The following ITPR1 variants were observed in gnomAD, a reference collection of about 807,000 sequenced individuals.
The protein encoded by ITPR1 is inositol 1,4,5-trisphosphate receptor type 1, also known as inositol 1,4,5-trisphosphate-gated calcium channel ITPR1.
A neutral mutation model predicts 318.4 loss-of-function variants in ITPR1; 96 were observed. The observed-to-expected ratio is 0.30, with a 90% CI of 0.26 to 0.36. The LOEUF is 0.36. ITPR1 is among the 10% of genes least tolerant of loss of function. The pLI, the probability that ITPR1 is intolerant of heterozygous loss-of-function variation, is 1.00. For missense variants in ITPR1, 2,440 were observed against 3,460.2 expected (o/e 0.71, Z 7.40); for synonymous variants, 1,312 against 1,289.9 (o/e 1.02, Z -0.37).
At chr3:4,833,070 C>A (rs2050631824) in intron 60 of ITPR1, among the ~76,000 whole-genome samples, 1 of 152,214 alleles carries the variant, frequency 6.6e-6, no homozygotes, top group African/African-American at 2.4e-5. Context: ...TTGTCTTTCT[C>A]ATCTTTAGAT....
At chr3:4,787,337 C>CAAAAAAAAAAAAAAAAAAAAAAAAAAAA (rs71053443) in intron 51 of ITPR1, among the ~76,000 whole-genome samples, 1 of 51,346 alleles carries the variant, frequency 1.9e-5, no homozygotes, top group Non-Finnish European at 3.2e-5. Context: ...GACTCCATCT[C>CAAAAAAAAAAAAAAAAAAAAAAAAAAAA]AAAAAAAAAA....
intron 10 of ITPR1, among the ~76,000 whole-genome samples, chr3:4,649,567 G>GA (rs1026240192): frequency 2.0e-5 from 3 of 152,178 alleles, no homozygotes; most frequent in African/African-American, 7.2e-5. Context: ...TATCTCTGTA[G>GA]ATTTGCCAGT....
At chr3:4,838,171 C>T (rs564578361) in intron 61 of ITPR1, among the ~76,000 whole-genome samples, 300 of 152,120 alleles carry the variant, frequency 2.0e-3, no homozygotes, top group Non-Finnish European at 3.5e-3. Flanking sequence ...TCTTTTCTTT[C>T]GTCTGTATTA....
At chr3:4,516,956 T>A (rs1256323325) in intron 3 of ITPR1, among the ~76,000 whole-genome samples, 2 of 152,348 alleles carry the variant, frequency 1.3e-5, no homozygotes, top group Admixed American at 6.5e-5. Context: ...TTGTAAAGGC[T>A]CTTCTTTTCA....
intron 2 of ITPR1, among the ~76,000 whole-genome samples, chr3:4,509,485 T>C (rs2081638518): frequency 6.6e-6 from 1 of 152,358 alleles, no homozygotes; most frequent in African/African-American, 2.4e-5. Flanking sequence ...TTAATTTGTT[T>C]TGGAGAGCAG....
At chr3:4,813,664 T>C (rs731915) in intron 57 of ITPR1, among the ~76,000 whole-genome samples, 53,275 of 151,930 alleles carry the variant, frequency 0.35, 9,641 homozygotes, top group East Asian at 0.48. Context: ...GGAGAGGGAA[T>C]AGTACATCTA....
At chr3:4,832,602 T>G (rs1234643780) in intron 60 of ITPR1, among the ~76,000 whole-genome samples, 3 of 152,176 alleles carry the variant, frequency 2.0e-5, no homozygotes, top group Admixed American at 6.5e-5. Flanking sequence ...GCCACTGCAC[T>G]CCAGCCTGGG....
chr3:4,635,252 A>G (rs891550644), intron 5 of ITPR1, among the ~76,000 whole-genome samples: 3 of 152,252 alleles, frequency 2.0e-5, no homozygotes, highest in African/African-American at 7.2e-5. Flanking sequence ...TGTTAAGTCA[A>G]TGTTATGTTG....
intron 45 of ITPR1, 46 bp from the exon 46 acceptor site, chr3:4,768,464 GC>G: frequency 6.5e-7 from 1 of 1,549,654 alleles, no homozygotes; most frequent in African/African-American, 1.4e-5. Context: ...GGTGAATAGG[GC>G]CCATGAGGAC....
intron 10 of ITPR1, among the ~76,000 whole-genome samples, chr3:4,650,642 T>C (rs1459918366): frequency 1.9e-4 from 25 of 134,052 alleles, no homozygotes; most frequent in African/African-American, 8.3e-4. Context: ...TGTGTGTGTG[T>C]GTGCGCGCGT....
At position 4,628,652 on chromosome 3, in the gene ITPR1, C is replaced by G. The variant is rs139337760; in HGVS notation, c.279+774C>G. 3.2e-4 allele frequency among the ~76,000 whole-genome samples: 48 copies of G among 152,314 alleles called. 3 individuals carry two copies. In the East Asian group the frequency reaches 3.3e-3, roughly 10 times the overall value. ...CTCCCCGTCATGTAACATCATCTTT[C>G]TAATGTATTTTGGTTACTGGCTGCC... On this transcript the variant is annotated intron_variant, in intron 5 of 61. Transcript: ENST00000649015.
In ITPR1 at chr3:4,727,406, AC is replaced by A. The variant is rs34222640; in HGVS notation, c.5220+234del. The stretch of plus-strand genomic sequence containing the variant: ...TGGCCTCCAAATAATGACCAAGTAA[AC>A]TTTTCATGTCCTTTTTTCTTTTCTG... On this transcript the variant is annotated intron_variant, in intron 42 of 61. Coordinates refer to ENST00000649015, the MANE Select transcript of ITPR1 (RefSeq NM_001378452.1). Among the ~76,000 whole-genome samples the A allele has an allele frequency of 0.66, 100,012 of 151,980 alleles. 34,982 individuals carry two copies. Among genetic ancestry groups the A allele is most frequent in the Non-Finnish European group, 0.81 (54,748 of 67,964 alleles).
chr3:4,725,465 T>A, intron 40 of ITPR1, 81 bp from the exon 41 acceptor site: 1 of 1,163,992 alleles, frequency 8.6e-7, no homozygotes, highest in Non-Finnish European at 1.3e-6. Context: ...GTTTTGTCCT[T>A]GAGTGTTGGT....
chr3:4,563,409 T>C (rs1285365264), intron 4 of ITPR1, among the ~76,000 whole-genome samples: 1 of 152,022 alleles, frequency 6.6e-6, no homozygotes, highest in African/African-American at 2.4e-5. Flanking sequence ...CTCAGGAGGC[T>C]GAGGTAGGAG....
chr3:4,693,844 T>C lies in ITPR1; in HGVS notation c.4281+103T>C, dbSNP rs11919950. On this transcript the variant is annotated intron_variant, in intron 33 of 61. Transcript: ENST00000649015. ...GGTGGCTGGCCTGGGGGAGCCCTCA[T>C]GGCTCTGAAAGCTGCAGCTCATTTT... is the stretch of plus-strand genomic sequence containing the variant. 14,214 of 1,274,776 alleles carry C rather than the reference T, an allele frequency of 0.011. 1,273 individuals carry two copies. In the African/African-American group the frequency reaches 0.19, roughly 17 times the overall value. The allele number at this position is 1,274,776 out of a possible 1,614,324, so 79.0% of individuals were successfully genotyped here.
chr3:4,652,264 T>C (rs1318288908), intron 11 of ITPR1, 46 bp downstream of exon 11: 4 of 1,317,694 alleles, frequency 3.0e-6, no homozygotes, highest in Non-Finnish European at 4.3e-6. Context: ...CTGACGCACC[T>C]CACCGCCTTT....
chr3:4,634,300 G>A (rs940404861), intron 5 of ITPR1, among the ~76,000 whole-genome samples: 10 of 151,792 alleles, frequency 6.6e-5, no homozygotes, highest in Admixed American at 6.6e-4. Flanking sequence ...TGCAGCCTCA[G>A]CCTCCTGAGC....
Position 4,802,871 on chromosome 3 carries a change from G to C in ITPR1, c.7107+2271G>C, listed in dbSNP as rs151067603. The stretch of plus-strand genomic sequence containing the variant: ...AAAGAGAAAGAAAGAAAGAGAGAAA[G>C]AGAGATGAGGAAATAGTAACACATG... On this transcript the variant is annotated intron_variant, in intron 54 of 61. Coordinates refer to ENST00000649015, the MANE Select transcript of ITPR1 (RefSeq NM_001378452.1). 1.3e-3 allele frequency among the ~76,000 whole-genome samples: 202 copies of C among 151,844 alleles called. 1 individual carries two copies. The highest frequency in any genetic ancestry group is 4.7e-3 in the African/African-American group (194 of 41,404).
chr3:4,615,102 C>G (rs566094552), intron 4 of ITPR1, among the ~76,000 whole-genome samples: 2 of 152,290 alleles, frequency 1.3e-5, no homozygotes, highest in East Asian at 3.9e-4. Flanking sequence ...TGTGTGGGAA[C>G]CTTTGGAAGG....
Sources: allele counts gnomAD v4.1 joint callset (sites outside exome capture counted in the v4.1 genomes callset), GRCh38; gene constraint gnomAD v4.1.1; transcripts MANE v1.5; gene names NCBI Gene and HGNC (gene_info 2026-07-23, HGNC 2026-07-21).